CACNA2D1: variants seen among roughly 807,000 people sequenced by gnomAD.
CACNA2D1 encodes voltage-dependent calcium channel subunit alpha-2/delta-1.
A neutral mutation model predicts 171.5 loss-of-function variants in CACNA2D1; 53 were observed. The ratio of observed to expected loss-of-function variants is 0.31; its 90% CI spans 0.25 to 0.39. The LOEUF (loss-of-function observed/expected upper bound fraction) is 0.39. Among genes scored for constraint, CACNA2D1 ranks in the 10% least tolerant of loss-of-function variants. The pLI, the probability that CACNA2D1 is intolerant of heterozygous loss-of-function variation, is 1.00. For missense variants in CACNA2D1, 903 were observed against 1,299.8 expected (o/e 0.69, Z 4.69); for synonymous variants, 442 against 443.1 (o/e 1.00, Z 0.03).
chr7:82,049,267 A>C (rs1202636357), intron 10 of CACNA2D1, among the ~76,000 whole-genome samples: 1 of 152,042 alleles, frequency 6.6e-6, no homozygotes, highest in Non-Finnish European at 1.5e-5. Flanking sequence ...TACTTTTATA[A>C]AGGTCCCATC....
chr7:82,251,120 T>C (rs1805578230), intron 3 of CACNA2D1, among the ~76,000 whole-genome samples: 1 of 152,164 alleles, frequency 6.6e-6, no homozygotes, highest in African/African-American at 2.4e-5. Flanking sequence ...TCTCATACTC[T>C]CCTGTATCTC....
intron 1 of CACNA2D1, among the ~76,000 whole-genome samples, chr7:82,388,596 C>T (rs760443895): frequency 6.6e-6 from 1 of 152,104 alleles, no homozygotes; most frequent in Non-Finnish European, 1.5e-5. Flanking sequence ...ACCAAACTTG[C>T]GGTTCCAGTT....
At chr7:82,351,707 A>G (rs2129446153) in intron 1 of CACNA2D1, among the ~76,000 whole-genome samples, 1 of 152,306 alleles carries the variant, frequency 6.6e-6, no homozygotes, top group East Asian at 1.9e-4. Context: ...TTTGAAAAAT[A>G]TTATAAGTAA....
intron 4 of CACNA2D1, among the ~76,000 whole-genome samples, chr7:82,137,355 A>T (rs934038665): frequency 6.6e-6 from 1 of 152,154 alleles, no homozygotes; most frequent in Non-Finnish European, 1.5e-5. Flanking sequence ...GAAAAATGGA[A>T]ATGGATTAAT....
At chr7:82,167,158 A>G (rs1349541861) in intron 4 of CACNA2D1, among the ~76,000 whole-genome samples, 1 of 152,134 alleles carries the variant, frequency 6.6e-6, no homozygotes, top group Admixed American at 6.6e-5. Context: ...TATTGCACAG[A>G]TGCACATTGT....
chr7:82,001,719 A>T (rs959284307), intron 18 of CACNA2D1: 2 of 1,206,882 alleles, frequency 1.7e-6, no homozygotes, highest in African/African-American at 3.1e-5. Flanking sequence ...CAATAGGCTG[A>T]AGCAACAGAA....
chr7:82,390,520 A>C (rs1198780443), intron 1 of CACNA2D1, among the ~76,000 whole-genome samples: 1 of 152,198 alleles, frequency 6.6e-6, no homozygotes. Context: ...TTAAGAACTA[A>C]AACATCAACA....
chr7:82,151,805 A>T (rs1793881791), intron 4 of CACNA2D1, among the ~76,000 whole-genome samples: 1 of 152,144 alleles, frequency 6.6e-6, no homozygotes, highest in African/African-American at 2.4e-5. Flanking sequence ...TAAGAAACTC[A>T]GTATGAAAAA....
intron 3 of CACNA2D1, among the ~76,000 whole-genome samples, chr7:82,222,896 T>G (rs1233658493): frequency 6.7e-6 from 1 of 150,364 alleles, no homozygotes; most frequent in Non-Finnish European, 1.5e-5. Flanking sequence ...TTTTCTTTCT[T>G]TCTTTTTTTT....
chr7:82,092,864 TA>T (rs2129021136), intron 6 of CACNA2D1, among the ~76,000 whole-genome samples: 1 of 152,158 alleles, frequency 6.6e-6, no homozygotes, highest in South Asian at 2.1e-4. Flanking sequence ...ATTTAGACCT[TA>T]AAAAGAGAAA....
At chr7:81,977,161 C>A (rs1461170529) in intron 24 of CACNA2D1, among the ~76,000 whole-genome samples, 4 of 152,058 alleles carry the variant, frequency 2.6e-5, no homozygotes, top group Non-Finnish European at 1.5e-5. Context: ...AGCTTTTGCC[C>A]ATTCAGTATG....
chr7:82,167,937 A>T (rs767855326), intron 4 of CACNA2D1, among the ~76,000 whole-genome samples: 47 of 152,114 alleles, frequency 3.1e-4, no homozygotes, highest in Non-Finnish European at 5.7e-4. Flanking sequence ...CTATTTCACC[A>T]TAGAAGATTT....
At position 81,947,894 on chromosome 7, in the gene CACNA2D1, C is replaced by T. The variant is rs1487641368; in HGVS notation, c.*2498G>A. On this transcript the variant is annotated 3_prime_UTR_variant, in exon 39 of 39. Transcript: ENST00000356860. Reference sequence around the variant, plus strand: ...AATTTGTAATTGCATTTATGGTTGTCATAATATATAACTTTATAGCAGAAA... The same window carrying T: ...AATTTGTAATTGCATTTATGGTTGTTATAATATATAACTTTATAGCAGAAA... 1 of 151,748 alleles carries T rather than the reference C, an allele frequency of 6.6e-6. No individual in the cohort carries two copies. Among genetic ancestry groups the T allele is most frequent in the East Asian group, 1.9e-4 (1 of 5,176 alleles). 9.4% of individuals were successfully genotyped at this position (151,748 alleles called of 1,614,324 possible). A position where few individuals can be genotyped will look rare whatever the true frequency, so the allele number is the denominator to read the frequency against.
intron 5 of CACNA2D1, among the ~76,000 whole-genome samples, chr7:82,130,791 C>CTTTTTTTTTTTTTTTTTTTTTTTTTT (rs71093363): frequency 8.5e-5 from 9 of 105,842 alleles, no homozygotes; most frequent in African/African-American, 1.2e-4. Context: ...TTGTTTTTGT[C>CTTTTTTTTTTTTTTTTTTTTTTTTTT]TTTTTTTTTT....
At chr7:82,328,099 C>T (rs1228046595) in intron 3 of CACNA2D1, among the ~76,000 whole-genome samples, 1 of 152,124 alleles carries the variant, frequency 6.6e-6, no homozygotes, top group Non-Finnish European at 1.5e-5. Flanking sequence ...CATGTCGAGC[C>T]TTAGCACTTC....
intron 1 of CACNA2D1, among the ~76,000 whole-genome samples, chr7:82,372,697 T>C (rs1001657390): frequency 4.6e-5 from 7 of 152,098 alleles, no homozygotes; most frequent in Non-Finnish European, 8.8e-5. Flanking sequence ...GAGAAAAATC[T>C]TGATAATTGC....
At chr7:82,401,406 G>A (rs1826392719) in intron 1 of CACNA2D1, among the ~76,000 whole-genome samples, 2 of 150,178 alleles carry the variant, frequency 1.3e-5, no homozygotes, top group Non-Finnish European at 1.5e-5. Context: ...GTCCTTTGTA[G>A]GGACATGGAT....
chr7:82,040,897 C>T lies in CACNA2D1; in HGVS notation c.880-2662G>A, dbSNP rs533628916. Among the ~76,000 whole-genome samples the T allele has an allele frequency of 6.2e-4, 94 of 152,152 alleles. 1 individual carries two copies. Among genetic ancestry groups the T allele is most frequent in the Non-Finnish European group, 1.0e-4 (7 of 68,020 alleles). On this transcript the variant is annotated intron_variant, in intron 10 of 38. Transcript: ENST00000356860. ...GGCTGAGGCAGGAGAATCACTTGAACCAGGGAGGCGGAGGTTGCAGTGAGC... is the reference window on the plus strand; with the variant it reads ...GGCTGAGGCAGGAGAATCACTTGAATCAGGGAGGCGGAGGTTGCAGTGAGC...
chr7:82,298,863 G>T (rs1205506225), intron 3 of CACNA2D1, among the ~76,000 whole-genome samples: 1 of 152,052 alleles, frequency 6.6e-6, no homozygotes, highest in Non-Finnish European at 1.5e-5. Context: ...AGGAGTTCAA[G>T]ACCAGCCTGG....
Sources: gnomAD v4.1 joint callset for allele counts (sites outside exome capture counted in the v4.1 genomes callset) on GRCh38, gnomAD v4.1.1 for gene constraint, MANE v1.5 for transcripts, NCBI Gene and HGNC (gene_info 2026-07-23, HGNC 2026-07-21) for gene names.